The following USP24 variants were observed in gnomAD, a reference collection of about 807,000 sequenced individuals.
The protein encoded by USP24 is ubiquitin carboxyl-terminal hydrolase 24.
USP24 carries 97 observed loss-of-function variants against 361.6 expected under a neutral mutation model. The observed-to-expected ratio is 0.27, with a 90% CI of 0.23 to 0.32. The LOEUF (loss-of-function observed/expected upper bound fraction) is 0.32. Ranked by LOEUF, USP24 falls within the 10% of genes least tolerant of loss-of-function variation. The probability of loss-of-function intolerance (pLI) is 1.00; values close to 1 mark genes in which losing one functional copy is unlikely to be tolerated. For synonymous variants in USP24, 1,098 were observed against 1,124.6 expected (o/e 0.98, Z 0.47); for missense variants, 2,353 against 3,165.6 (o/e 0.74, Z 6.16).
chr1:55,152,601 G>A (rs1027620404), intron 16 of USP24, among the ~76,000 whole-genome samples: 1 of 152,202 alleles, frequency 6.6e-6, no homozygotes, highest in Non-Finnish European at 1.5e-5. Context: ...TAATCATAAG[G>A]AGAGGTTGCT....
intron 19 of USP24, 120 bp downstream of exon 19, chr1:55,146,809 T>G (rs1310080315): frequency 8.4e-7 from 1 of 1,185,532 alleles, no homozygotes; most frequent in Non-Finnish European, 1.2e-6. Context: ...CTTACAGTTC[T>G]TGGCCCATAC....
Position 55,176,820 on chromosome 1 carries a change from T to C in USP24, c.491-377A>G, listed in dbSNP as rs371764226. On this transcript the variant is annotated intron_variant, in intron 2 of 67. Coordinates refer to ENST00000294383, the MANE Select transcript of USP24 (RefSeq NM_015306.3). ...ATTATTATTTCCCTAAAAAGTTCTA[T>C]AGAAACACAAATATTTTCTAATCCC... Among the ~76,000 whole-genome samples the C allele has an allele frequency of 1.5e-4, 23 of 152,178 alleles. No homozygotes were observed. The East Asian group carries it at 4.1e-3, about 27-fold the overall frequency.
At chr1:55,121,388 A>C (rs1193240933) in intron 37 of USP24, 48 bp downstream of exon 37, 2 of 1,562,500 alleles carry the variant, frequency 1.3e-6, no homozygotes, top group Non-Finnish European at 1.8e-6. Context: ...ACAGCTCACA[A>C]AACAACAGGA....
chr1:55,139,110 T>C, intron 24 of USP24, 100 bp from the exon 25 acceptor site: 6 of 1,065,448 alleles, frequency 5.6e-6, no homozygotes, highest in Non-Finnish European at 8.1e-6. Context: ...CAGTTAGCAC[T>C]CACTGGTCAA....
At chr1:55,159,460 G>A (rs1648040556) in intron 9 of USP24, 151 bp downstream of exon 9, 3 of 659,072 alleles carry the variant, frequency 4.6e-6, no homozygotes, top group East Asian at 2.7e-5. Flanking sequence ...TTCAGAAACA[G>A]CACTTTTTAA....
intron 28 of USP24, among the ~76,000 whole-genome samples, chr1:55,136,825 T>C (rs1270762102): frequency 6.6e-6 from 1 of 152,098 alleles, no homozygotes; most frequent in Non-Finnish European, 1.5e-5. Flanking sequence ...TAAATTAGGA[T>C]TGGGGTGCCT....
chr1:55,090,714 TC>T (rs1375747434), intron 54 of USP24, among the ~76,000 whole-genome samples: 1 of 152,224 alleles, frequency 6.6e-6, no homozygotes, highest in Non-Finnish European at 1.5e-5. Context: ...TCTTCATTCT[TC>T]ACTCATTTAT....
intron 9 of USP24, 60 bp from the exon 10 acceptor site, chr1:55,159,096 T>G: frequency 7.5e-7 from 1 of 1,325,114 alleles, no homozygotes; most frequent in Non-Finnish European, 9.9e-7. Flanking sequence ...TTGATCCCAA[T>G]TCTTATAACA....
chr1:55,098,735 G>A (rs758301713), intron 45 of USP24, among the ~76,000 whole-genome samples, 177 bp from the exon 46 acceptor site: 1 of 152,172 alleles, frequency 6.6e-6, no homozygotes, highest in Non-Finnish European at 1.5e-5. Flanking sequence ...TGATGCAGAC[G>A]ATCAGAAGAG....
rs751588110 is a variant in USP24, at chr1:55,068,701, G to A, written c.*344C>T. ...CCAAAGGAATTTCTTTTGTAGCATC[G>A]TAGAGAAAGCAACAGCTTTATGCTC... On this transcript the variant is annotated 3_prime_UTR_variant, in exon 68 of 68. Transcript: ENST00000294383. The A allele has an allele frequency of 2.3e-5, 6 of 255,618 alleles. No homozygotes were observed. The highest frequency in any genetic ancestry group is 6.6e-5 in the African/African-American group (3 of 45,164). The allele number at this position is 255,618 out of a possible 1,614,324, so 15.8% of individuals were successfully genotyped here.
chr1:55,105,702 T>C (rs1315408873), intron 41 of USP24, among the ~76,000 whole-genome samples: 2 of 152,154 alleles, frequency 1.3e-5, no homozygotes, highest in African/African-American at 4.8e-5. Flanking sequence ...ATTCCAAAAT[T>C]ACTACTGTAA....
At chr1:55,189,158 C>A (rs186281295) in intron 1 of USP24, among the ~76,000 whole-genome samples, 2 of 152,104 alleles carry the variant, frequency 1.3e-5, no homozygotes, top group East Asian at 3.9e-4. Flanking sequence ...TACAAATATT[C>A]ATAAGAGAAA....
At position 55,171,549 on chromosome 1, in the gene USP24, T is replaced by C. The variant is rs1168675601; in HGVS notation, c.825+7A>G. ...TCTATAAAAAGATGAAACTAAATGA[T>C]GTTTACCTTTTGGAAAGTCGATACA... On this transcript the variant is annotated splice_region_variant and intron_variant, in intron 5 of 67. Transcript: ENST00000294383. The C allele has an allele frequency of 6.2e-7, 1 of 1,605,650 alleles. No homozygotes were observed. The highest frequency in any genetic ancestry group is 8.5e-7 in the Non-Finnish European group (1 of 1,175,826).
intron 32 of USP24, among the ~76,000 whole-genome samples, chr1:55,126,788 C>T (rs1646443094): frequency 6.6e-6 from 1 of 152,152 alleles, no homozygotes; most frequent in Non-Finnish European, 1.5e-5. Context: ...AAGGTCCCTA[C>T]CCAGCTTCTC....
At position 55,129,467 on chromosome 1, in the gene USP24, A is replaced by G; in HGVS notation, c.3635+10T>C. On this transcript the variant is annotated intron_variant, in intron 32 of 67. Transcript: ENST00000294383. ...CGGCAACTCATGTAACATTACATTG[A>G]AACTCTAACCTCAAACCGCCAGCTT... The G allele has an allele frequency of 6.2e-7, 1 of 1,612,554 alleles. No homozygotes were observed. The highest frequency in any genetic ancestry group is 1.3e-5 in the African/African-American group (1 of 75,018).
chr1:55,131,511 A>G (rs1298453637), intron 31 of USP24, among the ~76,000 whole-genome samples: 1 of 152,208 alleles, frequency 6.6e-6, no homozygotes, highest in Admixed American at 6.5e-5. Flanking sequence ...TAATTTTTAA[A>G]ATATTTGCTA....
chr1:55,129,545 AGCT>A lies in USP24; in HGVS notation c.3564_3566del (p.Ala1189del), dbSNP rs1230543910. 6.2e-7 allele frequency: 1 copy of A among 1,613,902 alleles called. No homozygotes were observed. The highest frequency in any genetic ancestry group is 8.5e-7 in the Non-Finnish European group (1 of 1,179,806). On this transcript the variant is annotated inframe_deletion, in exon 32 of 68. Transcript: ENST00000294383. The stretch of plus-strand genomic sequence containing the variant: ...CACAGCTTCTGGCCATGTCATCATC[AGCT>A]GTTGGCATGAGTTTGGAGCTTAGAA...
intron 42 of USP24, among the ~76,000 whole-genome samples, chr1:55,102,837 A>T (rs550493402): frequency 6.6e-6 from 1 of 152,368 alleles, no homozygotes; most frequent in South Asian, 2.1e-4. Flanking sequence ...ATCTAAAGTA[A>T]CACATAACAT....
chr1:55,111,252 ATAAT>A (rs1261858673), intron 38 of USP24, among the ~76,000 whole-genome samples: 1 of 151,872 alleles, frequency 6.6e-6, no homozygotes, highest in South Asian at 2.1e-4. Context: ...ATGCAAACAT[ATAAT>A]TAAAGATTCA....
Sources: allele counts gnomAD v4.1 joint callset (sites outside exome capture counted in the v4.1 genomes callset), GRCh38; gene constraint gnomAD v4.1.1; transcripts MANE v1.5; gene names NCBI Gene and HGNC (gene_info 2026-07-23, HGNC 2026-07-21).